The following CYP7B1 variants were observed in gnomAD, a reference collection of about 807,000 sequenced individuals.
CYP7B1 encodes cytochrome P450 7B1.
Under a neutral mutation model 42.7 loss-of-function variants are expected in CYP7B1, and 29 were observed. The ratio of observed to expected loss-of-function variants is 0.68; its 90% CI spans 0.51 to 0.93. CYP7B1 has a LOEUF of 0.93. Ranked by LOEUF, CYP7B1 falls within the 40% of genes least tolerant of loss-of-function variation. The probability of loss-of-function intolerance (pLI) is 0.00; values close to 1 mark genes in which losing one functional copy is unlikely to be tolerated. For missense variants in CYP7B1, 655 were observed against 600.5 expected, an observed-to-expected ratio of 1.09 and a Z score of -0.95; for synonymous variants, 235 against 218.2, an observed-to-expected ratio of 1.08 and a Z score of -0.68.
chr8:64,706,535 T>C (rs1485875122), intron 1 of CYP7B1, among the ~76,000 whole-genome samples: 2 of 152,028 alleles, frequency 1.3e-5, no homozygotes, highest in African/African-American at 2.4e-5. Context: ...ATTTCTCTGA[T>C]TTTTCATATG....
intron 1 of CYP7B1, among the ~76,000 whole-genome samples, chr8:64,792,448 C>A (rs766668470): frequency 2.0e-5 from 3 of 152,150 alleles, no homozygotes; most frequent in Non-Finnish European, 4.4e-5. Context: ...CATAGCTGGA[C>A]AACTTTTGCT....
intron 1 of CYP7B1, among the ~76,000 whole-genome samples, chr8:64,645,895 A>G (rs541846516): frequency 4.7e-4 from 71 of 152,192 alleles, no homozygotes; most frequent in Non-Finnish European, 8.1e-4. Context: ...ATAACGCTGC[A>G]TATCTACAAC....
At chr8:64,641,104 A>G (rs1456786458) in intron 1 of CYP7B1, among the ~76,000 whole-genome samples, 2 of 152,190 alleles carry the variant, frequency 1.3e-5, no homozygotes, top group African/African-American at 4.8e-5. Flanking sequence ...TCTAATTTCC[A>G]TATTCAACGC....
intron 1 of CYP7B1, among the ~76,000 whole-genome samples, chr8:64,680,938 C>T (rs1379602200): frequency 1.3e-5 from 2 of 152,138 alleles, no homozygotes; most frequent in African/African-American, 4.8e-5. Context: ...TCTGTAAATG[C>T]TTCTTTCCAA....
intron 1 of CYP7B1, among the ~76,000 whole-genome samples, chr8:64,750,361 C>T (rs1807709224): frequency 6.6e-6 from 1 of 152,158 alleles, no homozygotes; most frequent in African/African-American, 2.4e-5. Context: ...ACCTTACAAC[C>T]CAAACCTTTC....
At chr8:64,614,614 C>A (rs947403275) in intron 4 of CYP7B1, among the ~76,000 whole-genome samples, 1 of 152,242 alleles carries the variant, frequency 6.6e-6, no homozygotes, top group East Asian at 1.9e-4. Context: ...ATATAGACAT[C>A]ATTTTAGGGA....
At position 64,595,027 on chromosome 8, in the gene CYP7B1, C is replaced by T. The variant is rs1199105186; in HGVS notation, c.*1615G>A. On this transcript the variant is annotated 3_prime_UTR_variant, in exon 6 of 6. Coordinates refer to ENST00000310193, the MANE Select transcript of CYP7B1 (RefSeq NM_004820.5). ...TAGTCAGAGAGAAGAGACAGACTAC[C>T]TATTGAGTAATTAAACTCACTAACG... is the stretch of plus-strand genomic sequence containing the variant. Among the ~76,000 whole-genome samples the T allele has an allele frequency of 6.6e-6, 1 of 152,208 alleles. No homozygotes were observed. Among genetic ancestry groups the T allele is most frequent in the Non-Finnish European group, 1.5e-5 (1 of 68,034 alleles).
intron 1 of CYP7B1, among the ~76,000 whole-genome samples, chr8:64,750,420 T>G (rs976593787): frequency 6.6e-6 from 1 of 152,212 alleles, no homozygotes; most frequent in Non-Finnish European, 1.5e-5. Context: ...TTTAAGGGCA[T>G]GTTTGAAGTC....
intron 1 of CYP7B1, among the ~76,000 whole-genome samples, chr8:64,662,824 T>C (rs1424156045): frequency 3.3e-5 from 5 of 152,168 alleles, no homozygotes; most frequent in Admixed American, 6.5e-5. Context: ...CAAAAAGTTA[T>C]TATTAATTGG....
At chr8:64,602,963 A>G (rs532549638) in intron 5 of CYP7B1, among the ~76,000 whole-genome samples, 2 of 152,336 alleles carry the variant, frequency 1.3e-5, no homozygotes, top group South Asian at 4.1e-4. Context: ...AGGTATTATC[A>G]GCATTCTCCA....
rs1426500901 is a variant in CYP7B1 at position 64,615,029 on chromosome 8, G to C, written c.1054C>G (p.Leu352Val). 9 of 1,613,476 alleles carry C rather than the reference G, an allele frequency of 5.6e-6. No homozygotes were observed. In the South Asian group the frequency reaches 8.8e-5, roughly 16 times the overall value. Residue 352 changes from leucine (L) to valine (V), a missense_variant, in exon 4 of 6, where the codon CTA (leucine) becomes GTA (valine). Leu to Val is a conservative substitution (Grantham distance 32, BLOSUM62 1). Transcript: ENST00000310193. ...ATAACAGATAAAAATAAATTACCTA[G>C]GCAGATTAGGCTGTCCAATTGTTCT... The part of the protein sequence containing the change: ...TREQLDSLIC[L>V]ESSIFEALRL...
chr8:64,598,588 T>C (rs1805152560), intron 5 of CYP7B1, among the ~76,000 whole-genome samples: 1 of 152,102 alleles, frequency 6.6e-6, no homozygotes, highest in African/African-American at 2.4e-5. Context: ...GACTTTTTAG[T>C]GTCTTGATAT....
At chr8:64,630,229 A>G (rs1165259714) in intron 1 of CYP7B1, among the ~76,000 whole-genome samples, 1 of 152,210 alleles carries the variant, frequency 6.6e-6, no homozygotes, top group African/African-American at 2.4e-5. Context: ...TGGCCAGACT[A>G]TTGTCACTGG....
chr8:64,677,254 G>A (rs945889872), intron 1 of CYP7B1, among the ~76,000 whole-genome samples: 3 of 151,758 alleles, frequency 2.0e-5, no homozygotes, highest in Non-Finnish European at 2.9e-5. Flanking sequence ...ATTCTCATGT[G>A]CTTACCAGAC....
chr8:64,781,830 CA>C (rs1804428724), intron 1 of CYP7B1, among the ~76,000 whole-genome samples: 1 of 152,122 alleles, frequency 6.6e-6, no homozygotes, highest in Non-Finnish European at 1.5e-5. Flanking sequence ...TTCTGCCTAT[CA>C]CAGTCTAATG....
intron 2 of CYP7B1, among the ~76,000 whole-genome samples, chr8:64,620,478 A>T (rs147531427): frequency 2.6e-5 from 4 of 152,288 alleles, no homozygotes; most frequent in Non-Finnish European, 5.9e-5. Context: ...CAATTAGAGA[A>T]CTATTTTCTG....
At chr8:64,771,781 C>T (rs1170923515) in intron 1 of CYP7B1, among the ~76,000 whole-genome samples, 8 of 152,212 alleles carry the variant, frequency 5.3e-5, no homozygotes, top group Non-Finnish European at 1.2e-4. Flanking sequence ...AGCTTATAGA[C>T]AAAACTATAA....
At chr8:64,732,366 T>C (rs1031354613) in intron 1 of CYP7B1, among the ~76,000 whole-genome samples, 3 of 152,172 alleles carry the variant, frequency 2.0e-5, no homozygotes, top group Non-Finnish European at 4.4e-5. Context: ...GGCTGCTTTA[T>C]TGGATTCTGG....
chr8:64,771,442 G>C (rs1381945444), intron 1 of CYP7B1, among the ~76,000 whole-genome samples: 1 of 152,118 alleles, frequency 6.6e-6, no homozygotes, highest in East Asian at 1.9e-4. Flanking sequence ...TACACGTTTT[G>C]TCAGTTAGGT....
Sources: gnomAD v4.1 joint callset for allele counts (sites outside exome capture counted in the v4.1 genomes callset) on GRCh38, gnomAD v4.1.1 for gene constraint, MANE v1.5 for transcripts, NCBI Gene and HGNC (gene_info 2026-07-23, HGNC 2026-07-21) for gene names.